The following CECR2 variants were observed in gnomAD, a reference collection of about 807,000 sequenced individuals.
CECR2 encodes chromatin remodeling regulator CECR2.
In CECR2, 30 loss-of-function variants were observed where a neutral mutation model predicts 154.5. The observed-to-expected ratio is 0.19, with a 90% CI of 0.15 to 0.26. CECR2 has a LOEUF of 0.26. CECR2 is among the 10% of genes least tolerant of loss of function. CECR2 has a pLI of 1.00. For missense variants in CECR2, 1,743 were observed against 1,829.3 expected (o/e 0.95, Z 0.86); for synonymous variants, 725 against 683.7 (o/e 1.06, Z -0.94).
intron 1 of CECR2, among the ~76,000 whole-genome samples, chr22:17,401,361 G>T (rs2053888212): frequency 6.6e-6 from 1 of 152,090 alleles, no homozygotes; most frequent in African/African-American, 2.4e-5. Context: ...GGCAAGTTTT[G>T]ACATATATAT....
intron 1 of CECR2, among the ~76,000 whole-genome samples, chr22:17,397,457 T>C (rs939459651): frequency 6.6e-6 from 1 of 152,008 alleles, no homozygotes; most frequent in Non-Finnish European, 1.5e-5. Flanking sequence ...GGTTAAAAAT[T>C]TGTATTTGAA....
chr22:17,455,045 T>C (rs1016111791), intron 1 of CECR2, among the ~76,000 whole-genome samples: 2 of 152,156 alleles, frequency 1.3e-5, no homozygotes, highest in Admixed American at 6.5e-5. Flanking sequence ...TTTGTCCCGA[T>C]TGGCTAGCAA....
At chr22:17,384,258 A>T (rs934240567) in intron 1 of CECR2, among the ~76,000 whole-genome samples, 4 of 152,140 alleles carry the variant, frequency 2.6e-5, no homozygotes, top group African/African-American at 9.7e-5. Flanking sequence ...TATTTATTTT[A>T]TTTTTTGTAG....
intron 8 of CECR2, among the ~76,000 whole-genome samples, chr22:17,521,512 G>A (rs1225552518): frequency 2.4e-5 from 3 of 127,534 alleles, no homozygotes; most frequent in East Asian, 2.4e-4. Context: ...GTGACAGAGC[G>A]AGACTCCATC....
At chr22:17,513,554 T>C (rs2055998771) in intron 8 of CECR2, among the ~76,000 whole-genome samples, 2 of 152,240 alleles carry the variant, frequency 1.3e-5, no homozygotes, top group Admixed American at 6.5e-5. Flanking sequence ...TGTCTCTTTT[T>C]AACTCAGAGA....
chr22:17,462,350 G>A (rs2054953964), intron 1 of CECR2, among the ~76,000 whole-genome samples: 1 of 151,602 alleles, frequency 6.6e-6, no homozygotes, highest in Non-Finnish European at 1.5e-5. Flanking sequence ...AACTGAGCGA[G>A]ACTCCATCTG....
chr22:17,401,771 C>G (rs144493454), intron 1 of CECR2, among the ~76,000 whole-genome samples: 6 of 151,904 alleles, frequency 3.9e-5, no homozygotes, highest in Non-Finnish European at 7.4e-5. Context: ...CTCCGTTTCT[C>G]TTGGGTAAGT....
At chr22:17,419,589 C>T (rs372068008) in intron 1 of CECR2, 8 of 298,280 alleles carry the variant, frequency 2.7e-5, no homozygotes, top group Non-Finnish European at 3.9e-5. Context: ...GAAGAAGAAA[C>T]AGTTTCTCCA....
At chr22:17,432,678 C>T (rs114905910) in intron 1 of CECR2, among the ~76,000 whole-genome samples, 5,841 of 152,228 alleles carry the variant, frequency 0.038, 361 homozygotes, top group African/African-American at 0.13. Context: ...CTCTGTTGCA[C>T]AGGCTAGAAT....
chr22:17,499,125 G>T (rs1464160201), intron 3 of CECR2, among the ~76,000 whole-genome samples: 1 of 152,058 alleles, frequency 6.6e-6, no homozygotes, highest in East Asian at 1.9e-4. Flanking sequence ...GAGTAGCTGG[G>T]ATTACAGGCG....
In CECR2 at chr22:17,450,598, GA is replaced by G. The variant is rs1170823033; in HGVS notation, c.127-26986del. Among the ~76,000 whole-genome samples the G allele has an allele frequency of 2.0e-5, 3 of 152,204 alleles. No homozygotes were observed. In the East Asian group the frequency reaches 5.8e-4, roughly 29 times the overall value. The stretch of plus-strand genomic sequence containing the variant: ...TGAAACAGTATAAAACCTATGCAGT[GA>G]AAAGATCTCCTGGTTAACCTATCTT... On this transcript the variant is annotated intron_variant, in intron 1 of 18. Transcript: ENST00000262608.
rs767796133 is a variant in CECR2 at position 17,540,657 on chromosome 22, C to A, written c.1741C>A (p.Arg581Ser). ...ENGGKSLPPT[R>S]RAPSSGDDQS... ...TGGAGGAAAGTCGTTGCCCCCCACA[C>A]GCCGAGCGCCCTCTTCTGGGGACGA... Residue 581 changes from arginine to serine, a missense_variant, in exon 14 of 19, where the codon CGC becomes AGC. Coordinates refer to ENST00000262608, the MANE Select transcript of CECR2 (RefSeq NM_001290047.2). 27 of 1,613,910 alleles carry A rather than the reference C, an allele frequency of 1.7e-5. No individual in the cohort carries two copies. The East Asian group carries it at 5.6e-4, about 33-fold the overall frequency.
intron 8 of CECR2, among the ~76,000 whole-genome samples, chr22:17,512,711 A>G (rs901316957): frequency 1.4e-5 from 2 of 145,718 alleles, no homozygotes; most frequent in African/African-American, 5.5e-5. Context: ...GTCTCAGAAA[A>G]AAAAAAAAAA....
At chr22:17,502,803 AAAAAAATAAAAAT>A (rs770474996) in intron 5 of CECR2, among the ~76,000 whole-genome samples, 3 of 152,160 alleles carry the variant, frequency 2.0e-5, no homozygotes, top group Non-Finnish European at 4.4e-5. Context: ...ACTCCGTCTC[AAAAAAATAAAAAT>A]AAAAAATAAA....
intron 1 of CECR2, among the ~76,000 whole-genome samples, chr22:17,473,874 C>T (rs2055167417): frequency 6.6e-6 from 1 of 152,210 alleles, no homozygotes; most frequent in Non-Finnish European, 1.5e-5. Flanking sequence ...AACATTTTAA[C>T]TGATCAGCCA....
At position 17,542,527 on chromosome 22, in the gene CECR2, G is replaced by A; in HGVS notation, c.2384G>A (p.Gly795Glu). 6.2e-7 allele frequency: 1 copy of A among 1,613,922 alleles called. No individual in the cohort carries two copies. Among genetic ancestry groups the A allele is most frequent in the Non-Finnish European group, 8.5e-7 (1 of 1,179,872 alleles). ...PLGPDEKPHL[G>E]PGPSHQPRTL... ...GGCCCAGATGAGAAGCCCCACCTGG[G>A]GCCAGGACCCTCTCACCAGCCTCGC... Residue 795 changes from glycine (G) to glutamate (E), a missense_variant, in exon 16 of 19, where the codon GGG becomes GAG. Around this residue, in one of 4 missense-constraint regions of CECR2, gnomAD observed 1,250 missense variants for 1,192.1 expected, o/e 1.05. Transcript: ENST00000262608.
At chr22:17,412,142 A>G (rs1369672643) in intron 1 of CECR2, among the ~76,000 whole-genome samples, 1 of 152,204 alleles carries the variant, frequency 6.6e-6, no homozygotes, top group African/African-American at 2.4e-5. Context: ...ATCATGGCTA[A>G]TATTCTCAAA....
chr22:17,542,507 A>G lies in CECR2; in HGVS notation c.2364A>G (p.Pro788=). ...CTACGAACCAAGGACCCTTGGGCCC[A>G]GATGAGAAGCCCCACCTGGGGCCAG... The part of the protein sequence containing the change: ...HGATNQGPLG[P]DEKPHLGPGP... Residue 788 remains proline (P), a synonymous_variant, in exon 16 of 19, where the codon CCA becomes CCG. Coordinates refer to ENST00000262608, the MANE Select transcript of CECR2 (RefSeq NM_001290047.2). 8 of 1,614,002 alleles carry G rather than the reference A, an allele frequency of 5.0e-6. No individual in the cohort carries two copies. Among genetic ancestry groups the G allele is most frequent in the African/African-American group, 1.3e-5 (1 of 75,054 alleles).
At chr22:17,458,233 G>C (rs1171396162) in intron 1 of CECR2, among the ~76,000 whole-genome samples, 1 of 152,018 alleles carries the variant, frequency 6.6e-6, no homozygotes, top group Non-Finnish European at 1.5e-5. Flanking sequence ...TGGCCAAGAT[G>C]GTGAAACCCC....
Sources: gnomAD v4.1 joint callset for allele counts (sites outside exome capture counted in the v4.1 genomes callset) on GRCh38, gnomAD v4.1.1 for gene constraint, gnomAD v4.1.1 regional missense constraint, MANE v1.5 for transcripts, NCBI Gene and HGNC (gene_info 2026-07-23, HGNC 2026-07-21) for gene names.